The following UBE3D variants were observed in gnomAD, a reference collection of about 807,000 sequenced individuals.
The protein encoded by UBE3D is E3 ubiquitin-protein ligase E3D.
Under a neutral mutation model 49.6 loss-of-function variants are expected in UBE3D, and 48 were observed. The ratio of observed to expected loss-of-function variants is 0.97; its 90% CI spans 0.77 to 1.23. UBE3D has a LOEUF of 1.23. Among genes scored for constraint, UBE3D ranks in the 50% most tolerant of loss-of-function variants. The pLI is 0.00. For missense variants in UBE3D, 452 were observed against 468.4 expected, an observed-to-expected ratio of 0.96 and a Z score of 0.32; for synonymous variants, 189 against 174.2, an observed-to-expected ratio of 1.08 and a Z score of -0.67.
In UBE3D at chr6:82,949,517, A is replaced by G. The variant is rs193114251; in HGVS notation, c.1149+7795T>C. Among the ~76,000 whole-genome samples, 15 of 152,254 alleles carry G rather than the reference A, an allele frequency of 9.9e-5. No homozygotes were observed. In the East Asian group the frequency reaches 2.1e-3, roughly 22 times the overall value. On this transcript the variant is annotated intron_variant, in intron 9 of 9. Coordinates refer to ENST00000369747, the MANE Select transcript of UBE3D (RefSeq NM_198920.3). ...TTCAGAAATAGAAAAAAAAAATCTT[A>G]AAAGTTATATGGAACCACAAAAGAC...
chr6:82,958,270 AT>A (rs1157557118), intron 8 of UBE3D, among the ~76,000 whole-genome samples: 1 of 152,152 alleles, frequency 6.6e-6, no homozygotes, highest in African/African-American at 2.4e-5. Context: ...AAATAAAATA[AT>A]AAGAATAGCA....
intron 5 of UBE3D, among the ~76,000 whole-genome samples, chr6:83,031,584 G>T (rs939169460): frequency 3.9e-5 from 6 of 152,016 alleles, no homozygotes; most frequent in Non-Finnish European, 7.4e-5. Context: ...GCTGGATTTC[G>T]GACTTCCATG....
downstream of UBE3D, among the ~76,000 whole-genome samples, chr6:82,887,421 A>G (rs1770907810): frequency 2.2e-5 from 2 of 90,388 alleles, no homozygotes; most frequent in South Asian, 6.5e-4. Flanking sequence ...TTCAGAAAGA[A>G]TAGTGGGCTG....
chr6:82,883,322 G>T, the UBE3D span, among the ~76,000 whole-genome samples: 1 of 152,154 alleles, frequency 6.6e-6, no homozygotes, highest in African/African-American at 2.4e-5. Context: ...TAAACATTTT[G>T]TAAGAATGGA....
At chr6:82,983,339 T>A (rs1778240677) in intron 8 of UBE3D, among the ~76,000 whole-genome samples, 1 of 152,102 alleles carries the variant, frequency 6.6e-6, no homozygotes, top group Admixed American at 6.5e-5. Flanking sequence ...TTTGATAACT[T>A]CTTTTCTATT....
intron 9 of UBE3D, among the ~76,000 whole-genome samples, chr6:82,900,690 T>C (rs1452019355): frequency 2.0e-5 from 3 of 152,198 alleles, no homozygotes; most frequent in Admixed American, 6.5e-5. Flanking sequence ...GGAAACACTA[T>C]GCAGGCAGTA....
At chr6:82,883,281 T>C in the UBE3D span, among the ~76,000 whole-genome samples, 1 of 152,164 alleles carries the variant, frequency 6.6e-6, no homozygotes, top group Non-Finnish European at 1.5e-5. Flanking sequence ...TCTTAAAGGA[T>C]ATAGAACCTT....
chr6:83,038,223 T>C (rs575645156), intron 5 of UBE3D, 193 bp downstream of exon 5: 1 of 498,586 alleles, frequency 2.0e-6, no homozygotes, highest in South Asian at 2.8e-5. Context: ...TTCAATACTC[T>C]GTATTTATGA....
chr6:83,041,737 C>T (rs1782685728), intron 4 of UBE3D, among the ~76,000 whole-genome samples: 1 of 151,964 alleles, frequency 6.6e-6, no homozygotes, highest in African/African-American at 2.4e-5. Flanking sequence ...CCAAAAGCAA[C>T]TAATAATTAC....
At chr6:82,986,479 A>G (rs1176118239) in intron 8 of UBE3D, among the ~76,000 whole-genome samples, 2 of 149,622 alleles carry the variant, frequency 1.3e-5, no homozygotes, top group Non-Finnish European at 3.0e-5. Flanking sequence ...TCAAAAAAAA[A>G]AAAAAAAAAA....
chr6:83,032,017 G>A (rs369721597), intron 5 of UBE3D, among the ~76,000 whole-genome samples: 12 of 152,348 alleles, frequency 7.9e-5, no homozygotes, highest in East Asian at 7.7e-4. Flanking sequence ...CTGCAGGGCC[G>A]CAGCCCTCAT....
chr6:82,922,972 T>C (rs1317811855), intron 9 of UBE3D, among the ~76,000 whole-genome samples: 2 of 152,192 alleles, frequency 1.3e-5, no homozygotes, highest in African/African-American at 4.8e-5. Context: ...TCATCATCAC[T>C]GGTCATCAGA....
At chr6:82,890,069 A>G (rs893294370), downstream of UBE3D, among the ~76,000 whole-genome samples, 2 of 152,096 alleles carry the variant, frequency 1.3e-5, no homozygotes, top group African/African-American at 4.8e-5. Context: ...TAAGAATACT[A>G]CTGAATAGAT....
chr6:83,015,629 C>T (rs545577475), intron 8 of UBE3D, among the ~76,000 whole-genome samples: 29 of 152,268 alleles, frequency 1.9e-4, no homozygotes, highest in Non-Finnish European at 3.7e-4. Context: ...GAGTGTAACG[C>T]ACCTCCTCAT....
intron 8 of UBE3D, among the ~76,000 whole-genome samples, chr6:82,995,307 A>G (rs1582583155): frequency 6.6e-6 from 1 of 152,242 alleles, no homozygotes; most frequent in African/African-American, 2.4e-5. Flanking sequence ...CGGTAAAAGC[A>G]TATGTGGACA....
chr6:82,969,209 A>G (rs1004662981), intron 8 of UBE3D, among the ~76,000 whole-genome samples: 13 of 96,372 alleles, frequency 1.3e-4, no homozygotes, highest in Non-Finnish European at 2.4e-4. Context: ...GAATCTCTCT[A>G]TTACACAGGG....
intron 1 of UBE3D, 25 bp from the exon 2 acceptor site, chr6:83,058,047 A>T: frequency 6.2e-7 from 1 of 1,610,026 alleles, no homozygotes; most frequent in African/African-American, 1.3e-5. Flanking sequence ...CAAAACCCAA[A>T]CAAATTATTT....
At chr6:82,974,660 G>C (rs1259518986) in intron 8 of UBE3D, among the ~76,000 whole-genome samples, 2 of 151,916 alleles carry the variant, frequency 1.3e-5, no homozygotes, top group Admixed American at 6.6e-5. Context: ...TGTGTGGCAG[G>C]GGGTAGGGAA....
the UBE3D span, among the ~76,000 whole-genome samples, chr6:82,886,334 T>G: frequency 6.6e-6 from 1 of 152,148 alleles, no homozygotes; most frequent in South Asian, 2.1e-4. Flanking sequence ...GCACGCAACC[T>G]AGATCCCTCT....
Sources: gnomAD v4.1 joint callset for allele counts (sites outside exome capture counted in the v4.1 genomes callset) on GRCh38, gnomAD v4.1.1 for gene constraint, MANE v1.5 for transcripts, NCBI Gene and HGNC (gene_info 2026-07-23, HGNC 2026-07-21) for gene names.